The following RAD54B variants were observed in gnomAD, a reference collection of about 807,000 sequenced individuals.
RAD54B encodes DNA repair and recombination protein RAD54B.
RAD54B carries 78 observed loss-of-function variants against 95.8 expected under a neutral mutation model. That is an observed-to-expected ratio of 0.81 (90% CI 0.68 to 0.98). The LOEUF is 0.98. RAD54B is among the 50% of genes least tolerant of loss of function. The pLI is 0.00. For missense variants in RAD54B, 957 were observed against 1,056.6 expected (o/e 0.91, Z 1.31); for synonymous variants, 328 against 354.9 (o/e 0.92, Z 0.85).
At chr8:94,450,198 T>C (rs1226632953) in intron 3 of RAD54B, among the ~76,000 whole-genome samples, 3 of 152,254 alleles carry the variant, frequency 2.0e-5, no homozygotes, top group Non-Finnish European at 4.4e-5. Flanking sequence ...CAGTTATGTC[T>C]AGGTTGTTAT....
In RAD54B at chr8:94,425,352, G is replaced by C. The variant is rs561598852; in HGVS notation, c.305-14037C>G. Among the ~76,000 whole-genome samples, 61 of 150,102 alleles carry C rather than the reference G, an allele frequency of 4.1e-4. 2 individuals are homozygous for C. The South Asian group carries it at 0.012, about 31-fold the overall frequency. ...TTACAGGCATGAGCCACCGCACCCA[G>C]CCTAATATTCTTTTGTTTAACAATT... On this transcript the variant is annotated intron_variant, in intron 3 of 14. Coordinates refer to ENST00000336148, the MANE Select transcript of RAD54B (RefSeq NM_012415.3).
rs1166692675 is a variant in RAD54B at position 94,422,617 on chromosome 8, AATATATATATATATAT to A, written c.305-11318_305-11303del. ...AAAAAAAAAAAAAAAAAAAAAAAAA[AATATATATATATATAT>A]ATATATATATATATATATATAAAAT... On this transcript the variant is annotated intron_variant, in intron 3 of 14. Transcript: ENST00000336148. Among the ~76,000 whole-genome samples, 73 of 43,568 alleles carry A rather than the reference AATATATATATATATAT, an allele frequency of 1.7e-3. 1 individual carries two copies. The highest frequency in any genetic ancestry group is 5.6e-3 in the African/African-American group (56 of 10,026). The allele number at this position is 43,568 out of a possible 152,430, so 28.6% of individuals were successfully genotyped here.
chr8:94,463,403 G>T (rs1812950664), intron 2 of RAD54B, among the ~76,000 whole-genome samples: 1 of 151,924 alleles, frequency 6.6e-6, no homozygotes, highest in South Asian at 2.1e-4. Flanking sequence ...CCACTAGTAT[G>T]GCCACAATCA....
At chr8:94,465,730 G>A (rs191481852) in intron 2 of RAD54B, among the ~76,000 whole-genome samples, 7 of 152,250 alleles carry the variant, frequency 4.6e-5, no homozygotes, top group East Asian at 3.9e-4. Context: ...AGCATTATTC[G>A]CCATAGCAAA....
intron 3 of RAD54B, among the ~76,000 whole-genome samples, chr8:94,412,452 T>C (rs1811552944): frequency 1.3e-5 from 2 of 151,770 alleles, no homozygotes; most frequent in African/African-American, 4.8e-5. Flanking sequence ...AGAACAAGTA[T>C]AAAACAGCAA....
chr8:94,472,320 T>C (rs1415382313), intron 1 of RAD54B, among the ~76,000 whole-genome samples: 1 of 152,174 alleles, frequency 6.6e-6, no homozygotes, highest in Admixed American at 6.5e-5. Context: ...GGCCTCTAAA[T>C]ATATAACTGA....
At chr8:94,451,783 C>G (rs1434560651) in intron 3 of RAD54B, among the ~76,000 whole-genome samples, 1 of 151,758 alleles carries the variant, frequency 6.6e-6, no homozygotes, top group Non-Finnish European at 1.5e-5. Context: ...AAAATAGAAG[C>G]AAAGACTAAG....
intron 2 of RAD54B, among the ~76,000 whole-genome samples, chr8:94,463,961 T>TG (rs1812967885): frequency 6.7e-6 from 1 of 148,784 alleles, no homozygotes; most frequent in Non-Finnish European, 1.5e-5. Flanking sequence ...CACACAAAAA[T>TG]TTGTACACAA....
rs117685499 is a variant in RAD54B, at chr8:94,441,557, C to A, written c.304+16711G>T. 9.3e-4 allele frequency among the ~76,000 whole-genome samples: 142 copies of A among 152,290 alleles called. 1 individual carries two copies. The East Asian group carries it at 0.021, about 22-fold the overall frequency. On this transcript the variant is annotated intron_variant, in intron 3 of 14. Transcript: ENST00000336148. ...TTCCATGCCCACCCCAGGCACAACC[C>A]CCAGAAACCTCCACTTATTCAGCTA...
chr8:94,392,636 G>A (rs73270196), intron 9 of RAD54B, among the ~76,000 whole-genome samples: 14,096 of 149,014 alleles, frequency 0.095, 1,208 homozygotes, highest in African/African-American at 0.22. Flanking sequence ...TCACTCTGTC[G>A]CCCAGGGCTG....
intron 3 of RAD54B, chr8:94,432,770 G>A: frequency 7.9e-7 from 1 of 1,266,244 alleles, no homozygotes; most frequent in Non-Finnish European, 1.0e-6. Context: ...AAACTATAAA[G>A]TTACAAAATA....
intron 3 of RAD54B, among the ~76,000 whole-genome samples, chr8:94,449,424 T>C (rs904898631): frequency 6.6e-6 from 1 of 151,924 alleles, no homozygotes; most frequent in Non-Finnish European, 1.5e-5. Flanking sequence ...CTGGCCAACA[T>C]GGTGAAACCC....
At chr8:94,443,910 C>T (rs1202196306) in intron 3 of RAD54B, among the ~76,000 whole-genome samples, 1 of 151,352 alleles carries the variant, frequency 6.6e-6, no homozygotes. Context: ...ATATCACATG[C>T]ACCCCCAAAA....
chr8:94,375,925 T>A (rs10102132), intron 14 of RAD54B, among the ~76,000 whole-genome samples: 1,790 of 151,816 alleles, frequency 0.012, 42 homozygotes, highest in African/African-American at 0.041. Context: ...GAGTAGGAGG[T>A]AGAGTAGGAG....
intron 10 of RAD54B, among the ~76,000 whole-genome samples, chr8:94,389,883 GC>G (rs1455551989): frequency 6.6e-6 from 1 of 152,138 alleles, no homozygotes; most frequent in East Asian, 1.9e-4. Context: ...AACACTCAGA[GC>G]CCCCTGCTGC....
rs529997122 is a variant in RAD54B at position 94,466,840 on chromosome 8, T to C, written c.135+565A>G. Among the ~76,000 whole-genome samples, 61 of 152,370 alleles carry C rather than the reference T, an allele frequency of 4.0e-4. 2 individuals carry two copies. The South Asian group carries it at 0.012, about 31-fold the overall frequency. On this transcript the variant is annotated intron_variant, in intron 2 of 14. Coordinates refer to ENST00000336148, the MANE Select transcript of RAD54B (RefSeq NM_012415.3). ...TATGTGGTAACTTTAAAAAGAACAC[T>C]GATTAGAATCTCCACCCCTTCCCTC...
chr8:94,467,211 A>G (rs1813047517), intron 2 of RAD54B, among the ~76,000 whole-genome samples, 194 bp downstream of exon 2: 1 of 152,238 alleles, frequency 6.6e-6, no homozygotes, highest in Non-Finnish European at 1.5e-5. Flanking sequence ...TATAGGCATG[A>G]GCCACTGTGC....
chr8:94,411,208 GTTT>G lies in RAD54B; in HGVS notation c.409_411del (p.Lys137del). 6.2e-7 allele frequency: 1 copy of G among 1,610,772 alleles called. No individual in the cohort carries two copies. The highest frequency in any genetic ancestry group is 8.5e-7 in the Non-Finnish European group (1 of 1,178,798). On this transcript the variant is annotated inframe_deletion, in exon 4 of 15. Transcript: ENST00000336148. ...ACAGCATCACCTTCCCACTTTTTAT[GTTT>G]TTTCTTTGAAGGCTTACACCAAACA...
chr8:94,472,484 T>C (rs1813195583), intron 1 of RAD54B, among the ~76,000 whole-genome samples: 1 of 152,174 alleles, frequency 6.6e-6, no homozygotes, highest in African/African-American at 2.4e-5. Context: ...TCAACTGAAA[T>C]AAGATAATGA....
Sources: gnomAD v4.1 joint callset for allele counts (sites outside exome capture counted in the v4.1 genomes callset) on GRCh38, gnomAD v4.1.1 for gene constraint, MANE v1.5 for transcripts, NCBI Gene and HGNC (gene_info 2026-07-23, HGNC 2026-07-21) for gene names.